SGCZ: variants seen among roughly 807,000 people sequenced by gnomAD.
SGCZ encodes sarcoglycan zeta.
SGCZ carries 40 observed loss-of-function variants against 41.3 expected under a neutral mutation model. That is an observed-to-expected ratio of 0.97 (90% CI 0.75 to 1.26). The LOEUF (loss-of-function observed/expected upper bound fraction) is 1.26. Ranked by LOEUF, SGCZ falls within the 50% of genes most tolerant of loss-of-function variation. The pLI, the probability that SGCZ is intolerant of heterozygous loss-of-function variation, is 0.00. For synonymous variants in SGCZ, 206 were observed against 137.5 expected, an observed-to-expected ratio of 1.50 and a Z score of -3.49; for missense variants, 552 against 369.8, an observed-to-expected ratio of 1.49 and a Z score of -4.04.
chr8:14,101,533 A>G (rs1738129978), intron 7 of SGCZ, among the ~76,000 whole-genome samples: 1 of 152,242 alleles, frequency 6.6e-6, no homozygotes, highest in African/African-American at 2.4e-5. Flanking sequence ...TTTAAAGCAG[A>G]CAGCAGGAGA....
At chr8:14,212,389 A>G (rs941892759) in intron 4 of SGCZ, among the ~76,000 whole-genome samples, 1 of 151,592 alleles carries the variant, frequency 6.6e-6, no homozygotes, top group Non-Finnish European at 1.5e-5. Context: ...ACGTAACACC[A>G]GAAGGCATCA....
intron 2 of SGCZ, among the ~76,000 whole-genome samples, chr8:14,436,602 A>G (rs1800101074): frequency 6.6e-6 from 1 of 152,238 alleles, no homozygotes; most frequent in African/African-American, 2.4e-5. Context: ...AGGCACAAGC[A>G]CTAACCGTCC....
At chr8:14,810,659 G>A (rs981870304) in intron 1 of SGCZ, among the ~76,000 whole-genome samples, 1 of 152,018 alleles carries the variant, frequency 6.6e-6, no homozygotes, top group Non-Finnish European at 1.5e-5. Flanking sequence ...CAATCAGCAA[G>A]AGAGAGCTAA....
chr8:14,993,329 C>T (rs935131026), intron 1 of SGCZ, among the ~76,000 whole-genome samples: 2 of 152,068 alleles, frequency 1.3e-5, no homozygotes, highest in Non-Finnish European at 2.9e-5. Flanking sequence ...ATTTATTAAG[C>T]ATCTAGGATG....
chr8:14,124,455 T>G (rs537534665), intron 5 of SGCZ, among the ~76,000 whole-genome samples: 2 of 152,318 alleles, frequency 1.3e-5, no homozygotes, highest in East Asian at 3.9e-4. Flanking sequence ...AAGTTCCTTT[T>G]GAAGACAATG....
chr8:14,432,914 C>CAAAAAAAAAAAAAAAAAAAAAAAAA (rs767979164), intron 2 of SGCZ, among the ~76,000 whole-genome samples: 2 of 75,632 alleles, frequency 2.6e-5, no homozygotes, highest in African/African-American at 6.2e-5. Context: ...ACTGTGTCTC[C>CAAAAAAAAAAAAAAAAAAAAAAAAA]AAAAAAAAAA....
intron 2 of SGCZ, among the ~76,000 whole-genome samples, chr8:14,450,771 C>A (rs1195627124): frequency 6.6e-6 from 1 of 152,064 alleles, no homozygotes; most frequent in Non-Finnish European, 1.5e-5. Context: ...TGCTACAGGG[C>A]AAAATCATTT....
At chr8:14,284,785 A>C (rs1332955273) in intron 3 of SGCZ, among the ~76,000 whole-genome samples, 1 of 152,070 alleles carries the variant, frequency 6.6e-6, no homozygotes, top group Non-Finnish European at 1.5e-5. Flanking sequence ...GTTACTGTTG[A>C]AATTGTTGTG....
intron 3 of SGCZ, among the ~76,000 whole-genome samples, chr8:14,260,963 G>C (rs10111424): frequency 0.38 from 58,198 of 151,926 alleles, 12,556 homozygotes; most frequent in Non-Finnish European, 0.5. Flanking sequence ...GTGGGGAGTG[G>C]GGAGGGATAG....
At chr8:14,485,040 A>C (rs1178442242) in intron 2 of SGCZ, among the ~76,000 whole-genome samples, 1 of 152,216 alleles carries the variant, frequency 6.6e-6, no homozygotes, top group African/African-American at 2.4e-5. Flanking sequence ...AAGGACTAAA[A>C]ATAATTATTT....
intron 2 of SGCZ, among the ~76,000 whole-genome samples, chr8:14,463,079 T>G (rs904606664): frequency 6.6e-6 from 1 of 151,762 alleles, no homozygotes; most frequent in Non-Finnish European, 1.5e-5. Context: ...TTAACCATAT[T>G]TTTGTGGAAT....
intron 1 of SGCZ, among the ~76,000 whole-genome samples, chr8:15,197,868 C>T (rs1348881931): frequency 4.0e-5 from 6 of 151,140 alleles, no homozygotes; most frequent in Middle Eastern, 3.5e-3. Flanking sequence ...AATATATTTA[C>T]ATTATATGTG....
chr8:14,454,263 A>T (rs1458750949), intron 2 of SGCZ, among the ~76,000 whole-genome samples: 1 of 152,192 alleles, frequency 6.6e-6, no homozygotes, highest in African/African-American at 2.4e-5. Flanking sequence ...GTAGTGGAGC[A>T]TTTAAAAGCA....
At chr8:14,140,950 C>T (rs1021337747) in intron 5 of SGCZ, among the ~76,000 whole-genome samples, 2 of 152,146 alleles carry the variant, frequency 1.3e-5, no homozygotes, top group African/African-American at 4.8e-5. Flanking sequence ...ACCAAAGCAG[C>T]ATGTTACTGG....
chr8:14,701,166 T>G (rs185068578), intron 1 of SGCZ, among the ~76,000 whole-genome samples: 1 of 152,040 alleles, frequency 6.6e-6, no homozygotes, highest in Non-Finnish European at 1.5e-5. Context: ...TCTGAGAAAC[T>G]AAATGGAAAT....
At chr8:14,501,095 C>G (rs796365980) in intron 2 of SGCZ, among the ~76,000 whole-genome samples, 5 of 152,090 alleles carry the variant, frequency 3.3e-5, no homozygotes, top group African/African-American at 1.2e-4. Flanking sequence ...TCTAGAAGCT[C>G]TTGGGGAGAA....
At chr8:14,250,305 A>G (rs766201905) in intron 3 of SGCZ, among the ~76,000 whole-genome samples, 10 of 152,200 alleles carry the variant, frequency 6.6e-5, no homozygotes, top group Non-Finnish European at 1.5e-4. Context: ...TGTTAAACCT[A>G]CAAATCTATA....
chr8:14,952,326 G>A lies in SGCZ; in HGVS notation c.39+285259C>T, dbSNP rs138819486. On this transcript the variant is annotated intron_variant, in intron 1 of 7. Transcript: ENST00000382080. ...AATTTGAAGTTATATCTATATATGTGACTAAGGTTTTTCCTTTTTTTTCCT... is the reference window on the plus strand; with the variant it reads ...AATTTGAAGTTATATCTATATATGTAACTAAGGTTTTTCCTTTTTTTTCCT... 6.6e-5 allele frequency among the ~76,000 whole-genome samples: 10 copies of A among 152,072 alleles called. No individual in the cohort carries two copies. The East Asian group carries it at 1.9e-3, about 29-fold the overall frequency.
At chr8:14,808,746 C>A in intron 1 of SGCZ, among the ~76,000 whole-genome samples, 1 of 151,756 alleles carries the variant, frequency 6.6e-6, no homozygotes, top group African/African-American at 2.4e-5. Flanking sequence ...ACCCAAAGAA[C>A]TATAAATCAT....
Sources: gnomAD v4.1 joint callset for allele counts (sites outside exome capture counted in the v4.1 genomes callset) on GRCh38, gnomAD v4.1.1 for gene constraint, MANE v1.5 for transcripts, NCBI Gene and HGNC (gene_info 2026-07-23, HGNC 2026-07-21) for gene names.